Variants in ZNF10 observed in about 807,000 individuals in gnomAD.
The protein encoded by ZNF10 is zinc finger protein 10.
In ZNF10, 8 loss-of-function variants were observed where a neutral mutation model predicts 12.2. The ratio of observed to expected loss-of-function variants is 0.66; its 90% CI spans 0.39 to 1.18. ZNF10 has a LOEUF of 1.18. ZNF10 is among the 50% of genes most tolerant of loss of function. The pLI, the probability that ZNF10 is intolerant of heterozygous loss-of-function variation, is 0.01. For synonymous variants in ZNF10, 229 were observed against 228.2 expected, an observed-to-expected ratio of 1.00 and a Z score of -0.03; for missense variants, 603 against 678.9, an observed-to-expected ratio of 0.89 and a Z score of 1.24.
intron 4 of ZNF10, among the ~76,000 whole-genome samples, chr12:133,155,089 A>G (rs536196587): frequency 2.8e-4 from 42 of 152,184 alleles, no homozygotes; most frequent in African/African-American, 9.4e-4. Context: ...AAAAAAAAAA[A>G]AGAGAGAGAA....
chr12:133,156,451 T>A lies in ZNF10; in HGVS notation c.1205T>A (p.Val402Glu), dbSNP rs777464319. The change falls in exon 5 of 5, where the codon GTG (valine) becomes GAG (glutamate). Residue 402 changes from valine (V) to glutamate (E), a missense_variant. Val to Glu is a moderately radical substitution (Grantham distance 121). This residue lies in a region of ZNF10 where 204 missense variants were observed against 262.8 expected (regional missense o/e 0.78). Coordinates refer to ENST00000248211, the MANE Select transcript of ZNF10 (RefSeq NM_015394.5). ...CTGCATCAGAGAACCCATGTGAGAG[T>A]GAGGCCCTATGAATGCAATGAATGT... The part of the protein sequence containing the change: ...LILHQRTHVR[V>E]RPYECNECGK... The A allele has an allele frequency of 5.6e-5, 91 of 1,612,536 alleles. No homozygotes were observed. The highest frequency in any genetic ancestry group is 6.9e-5 in the Non-Finnish European group (81 of 1,179,502).
Position 133,157,413 on chromosome 12 carries a change from C to T in ZNF10, c.*445C>T, listed in dbSNP as rs1386834621. On this transcript the variant is annotated 3_prime_UTR_variant, in exon 5 of 5. Transcript: ENST00000248211. Reference sequence around the variant, plus strand: ...TCATTGTTTTCTTGACTATGTCTCTCTTCTGGGACATTTAGTAGTGTTTGG... The same window carrying T: ...TCATTGTTTTCTTGACTATGTCTCTTTTCTGGGACATTTAGTAGTGTTTGG... The T allele has an allele frequency of 6.5e-6, 1 of 152,842 alleles. No homozygotes were observed. Among genetic ancestry groups the T allele is most frequent in the East Asian group, 1.9e-4 (1 of 5,198 alleles). 9.5% of individuals were successfully genotyped at this position (152,842 alleles called of 1,614,324 possible).
chr12:133,155,964 T>G lies in ZNF10; in HGVS notation c.718T>G (p.Cys240Gly), dbSNP rs761976148. ...RTHTGDKSYK[C>G]PDNDNSLTHG... The stretch of plus-strand genomic sequence containing the variant: ...TCACACAGGTGATAAATCCTACAAA[T>G]GCCCTGATAATGACAACTCTCTTAC... Residue 240 changes from cysteine (C) to glycine (G), a missense_variant, in exon 5 of 5, where the codon TGC (cysteine) becomes GGC (glycine). Around this residue, in one of 3 missense-constraint regions of ZNF10, gnomAD observed 393 missense variants for 399.7 expected, o/e 0.98. Transcript: ENST00000248211. The G allele has an allele frequency of 8.1e-6, 13 of 1,613,960 alleles. No individual in the cohort carries two copies. In the East Asian group the frequency reaches 2.7e-4, roughly 33 times the overall value.
chr12:133,146,616 C>G (rs185795455), intron 2 of ZNF10, among the ~76,000 whole-genome samples: 2 of 152,034 alleles, frequency 1.3e-5, no homozygotes, highest in Non-Finnish European at 2.9e-5. Context: ...GAGGCGGAGG[C>G]GGGTGGATCA....
At position 133,156,252 on chromosome 12, in the gene ZNF10, C is replaced by G; in HGVS notation, c.1006C>G (p.Leu336Val). The change falls in exon 5 of 5, where the codon CTT becomes GTT. Residue 336 changes from leucine to valine, a missense_variant. Leu to Val is a conservative substitution (Grantham distance 32, BLOSUM62 1). This residue lies in a region of ZNF10 where 393 missense variants were observed against 399.7 expected (regional missense o/e 0.98). Coordinates refer to ENST00000248211, the MANE Select transcript of ZNF10 (RefSeq NM_015394.5). ...CGKSFSWFSHLVTHQRTHTGD... is the reference protein window; with the variant it reads ...CGKSFSWFSHVVTHQRTHTGD... ...AAAATCCTTCAGCTGGTTCTCTCAC[C>G]TTGTTACTCATCAGAGAACTCATAC... 6.2e-7 allele frequency: 1 copy of G among 1,614,112 alleles called. No individual in the cohort carries two copies. The highest frequency in any genetic ancestry group is 8.5e-7 in the Non-Finnish European group (1 of 1,179,996).
chr12:133,144,994 T>G (rs774244405), intron 2 of ZNF10: 4 of 358,114 alleles, frequency 1.1e-5, no homozygotes. Flanking sequence ...GTGATTCTTC[T>G]GCCTCAGCCT....
intron 1 of ZNF10, among the ~76,000 whole-genome samples, chr12:133,136,464 A>C (rs1268291217): frequency 6.6e-6 from 1 of 152,188 alleles, no homozygotes; most frequent in Non-Finnish European, 1.5e-5. Context: ...CTTGAAATTT[A>C]CATATCTTAG....
At chr12:133,140,643 GAAGC>G (rs903394908) in intron 1 of ZNF10, among the ~76,000 whole-genome samples, 38 of 152,072 alleles carry the variant, frequency 2.5e-4, no homozygotes, top group African/African-American at 8.4e-4. Flanking sequence ...ATCTCGGCTG[GAAGC>G]AGAAGTTTAT....
chr12:133,149,795 C>A (rs1955997090), intron 2 of ZNF10, among the ~76,000 whole-genome samples: 1 of 151,624 alleles, frequency 6.6e-6, no homozygotes, highest in South Asian at 2.1e-4. Flanking sequence ...TATCTTTTCC[C>A]CCTTCTTAAT....
chr12:133,145,847 A>G (rs1955973179), intron 2 of ZNF10, among the ~76,000 whole-genome samples: 1 of 150,142 alleles, frequency 6.7e-6, no homozygotes, highest in Non-Finnish European at 1.5e-5. Context: ...AAAAAACACA[A>G]AATTTAAGAT....
At position 133,156,413 on chromosome 12, in the gene ZNF10, C is replaced by T; in HGVS notation, c.1167C>T (p.Ser389=). Residue 389 remains serine (S), a synonymous_variant, in exon 5 of 5, where the codon AGC becomes AGT. Transcript: ENST00000248211. ...AATGTGGGAAATCTTTCAGACAGAGCACACATCTCATTCTGCATCAGAGAA... is the reference window on the plus strand; with the variant it reads ...AATGTGGGAAATCTTTCAGACAGAGTACACATCTCATTCTGCATCAGAGAA... ...CPECGKSFRQ[S]THLILHQRTH... The T allele has an allele frequency of 6.2e-7, 1 of 1,613,624 alleles. No individual in the cohort carries two copies. Among genetic ancestry groups the T allele is most frequent in the Non-Finnish European group, 8.5e-7 (1 of 1,179,792 alleles).
chr12:133,144,804 TGGACTGGA>T, intron 2 of ZNF10: 1 of 495,046 alleles, frequency 2.0e-6, no homozygotes, highest in South Asian at 1.7e-5. Context: ...ACATTTAAAA[TGGACTGGA>T]GGCTAATACA....
At chr12:133,134,859 CTT>C (rs1955902088) in intron 1 of ZNF10, among the ~76,000 whole-genome samples, 1 of 152,144 alleles carries the variant, frequency 6.6e-6, no homozygotes, top group East Asian at 1.9e-4. Flanking sequence ...AGAAAAATCT[CTT>C]TGCAAATGTA....
chr12:133,142,782 A>C (rs184844079), intron 1 of ZNF10, among the ~76,000 whole-genome samples: 149 of 152,346 alleles, frequency 9.8e-4, no homozygotes, highest in South Asian at 5.2e-3. Context: ...TATGGAAAAC[A>C]ATTTGTTGGT....
At chr12:133,138,324 G>GTT (rs145087883) in intron 1 of ZNF10, among the ~76,000 whole-genome samples, 1 of 134,616 alleles carries the variant, frequency 7.4e-6, no homozygotes. Context: ...CTGTAGTTTT[G>GTT]TTTTTTTTTT....
In ZNF10 at chr12:133,158,299, C is replaced by G. The variant is rs957782810; in HGVS notation, c.*1331C>G. ...TAATAATATTGCCGCACCCTAATAT[C>G]TGTTATTTAATTGAAATCTGCTTGT... On this transcript the variant is annotated 3_prime_UTR_variant, in exon 5 of 5. Coordinates refer to ENST00000248211, the MANE Select transcript of ZNF10 (RefSeq NM_015394.5). The G allele has an allele frequency of 3.9e-5, 6 of 152,168 alleles. No homozygotes were observed. The highest frequency in any genetic ancestry group is 1.4e-4 in the African/African-American group (6 of 41,424). The allele number at this position is 152,168 out of a possible 1,614,324, so 9.4% of individuals were successfully genotyped here.
chr12:133,141,795 A>G (rs1364858358), intron 1 of ZNF10, among the ~76,000 whole-genome samples: 1 of 152,192 alleles, frequency 6.6e-6, no homozygotes, highest in Non-Finnish European at 1.5e-5. Flanking sequence ...ATGGCTGGAA[A>G]TGTCAAAACT....
In ZNF10 at chr12:133,156,422, C is replaced by T. The variant is rs1956042057; in HGVS notation, c.1176C>T (p.Leu392=). Residue 392 remains leucine, a synonymous_variant, in exon 5 of 5, where the codon CTC becomes CTT. Coordinates refer to ENST00000248211, the MANE Select transcript of ZNF10 (RefSeq NM_015394.5). ...AATCTTTCAGACAGAGCACACATCT[C>T]ATTCTGCATCAGAGAACCCATGTGA... ...CGKSFRQSTH[L]ILHQRTHVRV... 6.8e-6 allele frequency: 11 copies of T among 1,613,518 alleles called. No individual in the cohort carries two copies. The highest frequency in any genetic ancestry group is 9.3e-6 in the Non-Finnish European group (11 of 1,179,736).
At chr12:133,149,050 C>T (rs904608563) in intron 2 of ZNF10, among the ~76,000 whole-genome samples, 1 of 151,928 alleles carries the variant, frequency 6.6e-6, no homozygotes, top group Non-Finnish European at 1.5e-5. Flanking sequence ...CCGTGCCCGG[C>T]CCAGTGTTTT....
Sources: gnomAD v4.1 joint callset for allele counts (sites outside exome capture counted in the v4.1 genomes callset) on GRCh38, gnomAD v4.1.1 for gene constraint, gnomAD v4.1.1 regional missense constraint, MANE v1.5 for transcripts, NCBI Gene and HGNC (gene_info 2026-07-23, HGNC 2026-07-21) for gene names.